The following TRPC4AP variants were observed in gnomAD, a reference collection of about 807,000 sequenced individuals.
TRPC4AP encodes transient receptor potential cation channel subfamily C member 4 associated protein, also known as short transient receptor potential channel 4-associated protein.
TRPC4AP carries 45 observed loss-of-function variants against 99.0 expected under a neutral mutation model. The observed-to-expected ratio is 0.45, with a 90% CI of 0.36 to 0.58. The LOEUF is 0.58. TRPC4AP is among the 20% of genes least tolerant of loss of function. The probability of loss-of-function intolerance (pLI) is 0.00; values close to 1 mark genes in which losing one functional copy is unlikely to be tolerated. For missense variants in TRPC4AP, 879 were observed against 985.3 expected (o/e 0.89, Z 1.44); for synonymous variants, 408 against 385.8 (o/e 1.06, Z -0.67).
chr20:35,021,330 C>G lies in TRPC4AP; in HGVS notation c.1078G>C (p.Ala360Pro). ...TGAGGCAGGCCATTCTCCTCAGAAG[C>G]CCCTGGAGGAGGGAACACAATGGAG... ...QASIVFPPPG[A>P]SEENGLPHTS... The change falls in exon 9 of 19, where the codon GCT becomes CCT. Residue 360 changes from alanine to proline, a missense_variant. Ala to Pro is a conservative substitution (Grantham distance 27, BLOSUM62 -1). Transcript: ENST00000252015. 5 of 1,614,088 alleles carry G rather than the reference C, an allele frequency of 3.1e-6. No homozygotes were observed. Among genetic ancestry groups the G allele is most frequent in the Non-Finnish European group, 4.2e-6 (5 of 1,179,990 alleles).
chr20:35,002,489 A>C lies in TRPC4AP; in HGVS notation c.*657T>G. 3.4e-6 allele frequency: 1 copy of C among 294,176 alleles called. No homozygotes were observed. The highest frequency in any genetic ancestry group is 5.7e-5 in the East Asian group (1 of 17,650). 18.2% of individuals were successfully genotyped at this position (294,176 alleles called of 1,614,324 possible). ...AATTGGCAACACAAGGAAGGGCCCC[A>C]TGTCCAGGCTCAGGCAGGAGCGGCT... On this transcript the variant is annotated 3_prime_UTR_variant, in exon 19 of 19. Transcript: ENST00000252015.
chr20:35,016,604 T>C (rs6120793), intron 9 of TRPC4AP, among the ~76,000 whole-genome samples: 28,162 of 152,016 alleles, frequency 0.19, 2,693 homozygotes, highest in Middle Eastern at 0.34. Context: ...ATTAAAAAAC[T>C]CTAAGATCTA....
In TRPC4AP at chr20:35,028,348, T is replaced by G. The variant is rs374461010; in HGVS notation, c.1051+6775A>C. ...CCTTAAGCGACCCGCCTCCTCGGCCTCCCAAAGGGCTGGGACTACAGGTGT... is the reference window on the plus strand; with the variant it reads ...CCTTAAGCGACCCGCCTCCTCGGCCGCCCAAAGGGCTGGGACTACAGGTGT... On this transcript the variant is annotated intron_variant, in intron 8 of 18. Coordinates refer to ENST00000252015, the MANE Select transcript of TRPC4AP (RefSeq NM_015638.3). 1.6e-4 allele frequency among the ~76,000 whole-genome samples: 24 copies of G among 152,070 alleles called. No homozygotes were observed. In the East Asian group the frequency reaches 4.5e-3, roughly 28 times the overall value.
chr20:35,089,040 C>CTT (rs33911641), intron 1 of TRPC4AP, among the ~76,000 whole-genome samples: 41 of 147,630 alleles, frequency 2.8e-4, no homozygotes, highest in South Asian at 8.5e-4. Flanking sequence ...AACTATACAC[C>CTT]TTTTTTTTTT....
chr20:35,056,163 T>C lies in TRPC4AP; in HGVS notation c.473-1132A>G, dbSNP rs541775157. Among the ~76,000 whole-genome samples, 18 of 152,316 alleles carry C rather than the reference T, an allele frequency of 1.2e-4. No individual in the cohort carries two copies. The East Asian group carries it at 1.9e-3, about 16-fold the overall frequency. ...CCCTTATCACCACCTTTCAACCTACTGGGGCTCTGTGATTGATTTATTTAA... is the reference window on the plus strand; with the variant it reads ...CCCTTATCACCACCTTTCAACCTACCGGGGCTCTGTGATTGATTTATTTAA... On this transcript the variant is annotated intron_variant, in intron 4 of 18. Transcript: ENST00000252015.
intron 1 of TRPC4AP, among the ~76,000 whole-genome samples, chr20:35,085,794 A>G (rs990029036): frequency 2.6e-5 from 4 of 152,098 alleles, no homozygotes; most frequent in Admixed American, 1.3e-4. Flanking sequence ...CATACCCTCT[A>G]AACTGTCAAC....
At chr20:35,033,311 T>C (rs184411755) in intron 8 of TRPC4AP, among the ~76,000 whole-genome samples, 4 of 152,326 alleles carry the variant, frequency 2.6e-5, no homozygotes, top group Non-Finnish European at 5.9e-5. Context: ...ACTATTTTCG[T>C]AAAGTCTCCT....
intron 1 of TRPC4AP, among the ~76,000 whole-genome samples, chr20:35,079,592 T>C (rs577540456): frequency 1.3e-5 from 2 of 152,112 alleles, no homozygotes; most frequent in South Asian, 4.1e-4. Flanking sequence ...AACCAAAAGT[T>C]AGTTCTTTAA....
chr20:35,047,991 GTA>G (rs1456861517), intron 6 of TRPC4AP, among the ~76,000 whole-genome samples: 1 of 152,078 alleles, frequency 6.6e-6, no homozygotes, highest in Admixed American at 6.6e-5. Flanking sequence ...TTTATCAGTA[GTA>G]TACAAGTGTT....
At chr20:35,068,969 AC>A (rs1386421905) in intron 3 of TRPC4AP, among the ~76,000 whole-genome samples, 23 of 64,190 alleles carry the variant, frequency 3.6e-4, no homozygotes, top group Non-Finnish European at 2.5e-4. Flanking sequence ...ACACACACAC[AC>A]ACACACACAA....
intron 1 of TRPC4AP, 122 bp from the exon 2 acceptor site, chr20:35,078,296 T>A: frequency 1.0e-6 from 1 of 996,542 alleles, no homozygotes; most frequent in Non-Finnish European, 1.4e-6. Flanking sequence ...CTCTAAGCAC[T>A]ACTATAAAAA....
At chr20:35,091,896 C>T (rs935756166) in intron 1 of TRPC4AP, among the ~76,000 whole-genome samples, 3 of 152,092 alleles carry the variant, frequency 2.0e-5, no homozygotes, top group African/African-American at 7.2e-5. Context: ...GAAACTGAGG[C>T]ACAGAAAGGT....
Position 35,003,190 on chromosome 20 carries a change from C to T in TRPC4AP, c.2350G>A (p.Glu784Lys). 9 of 1,614,226 alleles carry T rather than the reference C, an allele frequency of 5.6e-6. No individual in the cohort carries two copies. The highest frequency in any genetic ancestry group is 7.6e-6 in the Non-Finnish European group (9 of 1,180,022). ...CTGTCTATGTCCATGTAGGGCTCCTCAATGTAGCTAACGAGAGCAGAGGGT... is the reference window on the plus strand; with the variant it reads ...CTGTCTATGTCCATGTAGGGCTCCTTAATGTAGCTAACGAGAGCAGAGGGT... Reference protein sequence around the residue: ...QSPSALVSYIEEPYMDIDRDF... With the variant: ...QSPSALVSYIKEPYMDIDRDF... Residue 784 changes from glutamate (E) to lysine (K), a missense_variant, in exon 19 of 19, where the codon GAG becomes AAG. Coordinates refer to ENST00000252015, the MANE Select transcript of TRPC4AP (RefSeq NM_015638.3).
rs144377533 is a variant in TRPC4AP at position 35,035,146 on chromosome 20, T to C, written c.1028A>G (p.Asn343Ser). ...ACCTTGATTGTGCTCTGACTCCTCATTGGCCACTCGCATCAGGGCATCTAG... is the reference window on the plus strand; with the variant it reads ...ACCTTGATTGTGCTCTGACTCCTCACTGGCCACTCGCATCAGGGCATCTAG... ...LVLDALMRVA[N>S]EESEHNQASI... Residue 343 changes from asparagine (N) to serine (S), a missense_variant, in exon 8 of 19, where the codon AAT becomes AGT. Physicochemically the swap from Asn to Ser is conservative, Grantham distance 46. Transcript: ENST00000252015. 15 of 1,613,856 alleles carry C rather than the reference T, an allele frequency of 9.3e-6. No individual in the cohort carries two copies. In the East Asian group the frequency reaches 1.3e-4, roughly 14 times the overall value.
intron 7 of TRPC4AP, among the ~76,000 whole-genome samples, chr20:35,043,247 ATTTTT>A (rs1167449495): frequency 7.0e-6 from 1 of 142,858 alleles, no homozygotes; most frequent in African/African-American, 2.6e-5. Context: ...GCAATGAATA[ATTTTT>A]TTTTTTTTTT....
chr20:35,008,754 T>C lies in TRPC4AP; in HGVS notation c.1512-7A>G. Reference sequence around the variant, plus strand: ...CCCATCACACACCAAACTCCTGAAATAGAAGAGAGATATTGGTGACAGATC... The same window carrying C: ...CCCATCACACACCAAACTCCTGAAACAGAAGAGAGATATTGGTGACAGATC... On this transcript the variant is annotated splice_region_variant and splice_polypyrimidine_tract_variant and intron_variant, in intron 12 of 18. Coordinates refer to ENST00000252015, the MANE Select transcript of TRPC4AP (RefSeq NM_015638.3). The C allele has an allele frequency of 6.2e-7, 1 of 1,612,856 alleles. No homozygotes were observed. The highest frequency in any genetic ancestry group is 8.5e-7 in the Non-Finnish European group (1 of 1,179,224).
intron 8 of TRPC4AP, among the ~76,000 whole-genome samples, chr20:35,024,854 A>AAAAAAAAAAAAAAAAAATACAT (rs1479270980): frequency 1.1e-5 from 1 of 89,480 alleles, no homozygotes; most frequent in African/African-American, 3.9e-5. Context: ...AAAAAAAAAA[A>AAAAAAAAAAAAAAAAAATACAT]ATTCTGTTTA....
At chr20:35,057,492 A>G (rs762855391) in intron 4 of TRPC4AP, 22 bp downstream of exon 4, 15 of 1,600,220 alleles carry the variant, frequency 9.4e-6, no homozygotes, top group Non-Finnish European at 1.2e-5. Context: ...AACAAGGACC[A>G]GTAGCTAATA....
intron 11 of TRPC4AP, among the ~76,000 whole-genome samples, chr20:35,010,958 G>A (rs928533701): frequency 3.9e-5 from 6 of 152,122 alleles, no homozygotes; most frequent in African/African-American, 1.4e-4. Context: ...TGAAAATGCC[G>A]TTAAGTTGAA....
Sources: allele counts gnomAD v4.1 joint callset (sites outside exome capture counted in the v4.1 genomes callset), GRCh38; gene constraint gnomAD v4.1.1; transcripts MANE v1.5; gene names NCBI Gene and HGNC (gene_info 2026-07-23, HGNC 2026-07-21).